NF1: variants seen among roughly 807,000 people sequenced by gnomAD.
NF1 encodes the protein neurofibromin.
NF1 carries 122 observed loss-of-function variants against 325.7 expected under a neutral mutation model. The ratio of observed to expected loss-of-function variants is 0.37; its 90% CI spans 0.32 to 0.44. The LOEUF (loss-of-function observed/expected upper bound fraction) is 0.44, where lower values mean the gene tolerates loss of function less well. Among genes scored for constraint, NF1 ranks in the 20% least tolerant of loss-of-function variants. The probability of loss-of-function intolerance (pLI) is 1.00; values close to 1 mark genes in which losing one functional copy is unlikely to be tolerated. For synonymous variants in NF1, 1,091 were observed against 1,186.0 expected (o/e 0.92, Z 1.65); for missense variants, 2,140 against 3,415.4 (o/e 0.63, Z 9.31).
intron 36 of NF1, chr17:31,304,474 C>G: frequency 6.2e-7 from 1 of 1,614,144 alleles, no homozygotes; most frequent in Non-Finnish European, 8.5e-7. Context: ...TTGATTGAGA[C>G]AGTCCAGAGA....
chr17:31,335,307 G>T (rs2069634678), intron 40 of NF1, among the ~76,000 whole-genome samples: 3 of 4,084 alleles, frequency 7.3e-4, no homozygotes, highest in African/African-American at 3.7e-3. Context: ...ATTATGCCTT[G>T]AAGGAGACTG....
intron 5 of NF1, among the ~76,000 whole-genome samples, chr17:31,171,164 G>C (rs2065921818): frequency 6.6e-6 from 1 of 152,122 alleles, no homozygotes; most frequent in Non-Finnish European, 1.5e-5. Context: ...CATAATTTAT[G>C]ATTTTAGGTC....
At chr17:31,270,099 C>T (rs1267473863) in intron 36 of NF1, among the ~76,000 whole-genome samples, 1 of 152,200 alleles carries the variant, frequency 6.6e-6, no homozygotes, top group African/African-American at 2.4e-5. Flanking sequence ...TGACACTTAC[C>T]TTACAAGGTA....
Position 31,226,693 on chromosome 17 carries a change from G to T in NF1, c.2251+9G>T, listed in dbSNP as rs772014402. ...CAATATGATGTCAACAGGTAAATGT[G>T]AATAGTGGTTTTTTTTACTCAGTCT... On this transcript the variant is annotated intron_variant, in intron 18 of 57. Coordinates refer to ENST00000358273, the MANE Select transcript of NF1 (RefSeq NM_001042492.3). 4 of 1,613,418 alleles carry T rather than the reference G, an allele frequency of 2.5e-6. No homozygotes were observed. Among genetic ancestry groups the T allele is most frequent in the South Asian group, 1.1e-5 (1 of 91,060 alleles).
At chr17:31,216,353 A>G (rs1297931488) in intron 13 of NF1, among the ~76,000 whole-genome samples, 2 of 152,208 alleles carry the variant, frequency 1.3e-5, no homozygotes, top group Non-Finnish European at 2.9e-5. Context: ...TCTAGTGGTT[A>G]ATAAGTTTTC....
chr17:31,261,271 TA>T, intron 34 of NF1, among the ~76,000 whole-genome samples: 1 of 151,938 alleles, frequency 6.6e-6, no homozygotes, highest in East Asian at 1.9e-4. Flanking sequence ...AAAAAATACT[TA>T]AAAATCAAAA....
intron 57 of NF1, among the ~76,000 whole-genome samples, chr17:31,372,150 G>A (rs1276579231): frequency 1.3e-5 from 2 of 152,134 alleles, no homozygotes; most frequent in African/African-American, 4.8e-5. Context: ...GAAGAATAAA[G>A]TACAAATTAG....
At position 31,260,852 on chromosome 17, in the gene NF1, A is replaced by G. The variant is rs532449833; in HGVS notation, c.4577+337A>G. Among the ~76,000 whole-genome samples, 4 of 152,320 alleles carry G rather than the reference A, an allele frequency of 2.6e-5. No individual in the cohort carries two copies. The South Asian group carries it at 8.3e-4, about 32-fold the overall frequency. On this transcript the variant is annotated intron_variant, in intron 34 of 57. Transcript: ENST00000358273. ...TGGCATTTGACTCTGAAGAACAGCC[A>G]ATTCGTAGGAATTCAGTAATTAAAA...
At chr17:31,283,235 G>A (rs2068156623) in intron 36 of NF1, among the ~76,000 whole-genome samples, 1 of 151,972 alleles carries the variant, frequency 6.6e-6, no homozygotes, top group Non-Finnish European at 1.5e-5. Context: ...GGCTAACACA[G>A]TGAAATCCCG....
Position 31,375,828 on chromosome 17 carries a change from G to C in NF1, c.*1673G>C, listed in dbSNP as rs1185136173. The C allele has an allele frequency of 8.6e-6, 2 of 232,226 alleles. No homozygotes were observed. The highest frequency in any genetic ancestry group is 8.5e-6 in the Non-Finnish European group (1 of 117,360). 14.4% of individuals were successfully genotyped at this position (232,226 alleles called of 1,614,324 possible). The stretch of plus-strand genomic sequence containing the variant: ...TAAATAAAATTGGTTTTGATACTCA[G>C]AAATAACAAGAATTTAATTTTTTAA... On this transcript the variant is annotated 3_prime_UTR_variant, in exon 58 of 58. Coordinates refer to ENST00000358273, the MANE Select transcript of NF1 (RefSeq NM_001042492.3).
intron 35 of NF1, among the ~76,000 whole-genome samples, 191 bp downstream of exon 35, chr17:31,262,048 T>C (rs1257819485): frequency 6.6e-6 from 1 of 152,194 alleles, no homozygotes; most frequent in Non-Finnish European, 1.5e-5. Flanking sequence ...ATATATTGAT[T>C]GTCATAACAA....
chr17:31,164,198 C>T (rs1035597193), intron 4 of NF1, among the ~76,000 whole-genome samples: 1 of 152,032 alleles, frequency 6.6e-6, no homozygotes, highest in African/African-American at 2.4e-5. Flanking sequence ...GATTGCTTCC[C>T]TATCTATTTT....
chr17:31,197,169 C>G (rs1337914524), intron 8 of NF1, among the ~76,000 whole-genome samples: 2 of 151,760 alleles, frequency 1.3e-5, no homozygotes, highest in Admixed American at 6.6e-5. Context: ...CTCAGCCTCC[C>G]AAGTATCTGG....
At chr17:31,122,987 A>G (rs1914565805) in intron 1 of NF1, among the ~76,000 whole-genome samples, 1 of 152,176 alleles carries the variant, frequency 6.6e-6, no homozygotes, top group South Asian at 2.1e-4. Flanking sequence ...GGCCATTAGT[A>G]CGTGACTAAA....
At chr17:31,178,437 A>G (rs1244275804) in intron 5 of NF1, among the ~76,000 whole-genome samples, 2 of 152,378 alleles carry the variant, frequency 1.3e-5, no homozygotes, top group South Asian at 2.1e-4. Context: ...AAGACCATCT[A>G]TGCTGTGAAG....
At position 31,374,165 on chromosome 17, in the gene NF1, G is replaced by T. The variant is rs1452831118; in HGVS notation, c.*10G>T. ...TAAGAAGATCGTGTGAAGCTTGCTTGCTTTCTTTTTTAAAATCAACTTAAC... is the reference window on the plus strand; with the variant it reads ...TAAGAAGATCGTGTGAAGCTTGCTTTCTTTCTTTTTTAAAATCAACTTAAC... On this transcript the variant is annotated 3_prime_UTR_variant, in exon 58 of 58. Coordinates refer to ENST00000358273, the MANE Select transcript of NF1 (RefSeq NM_001042492.3). 6.2e-7 allele frequency: 1 copy of T among 1,613,956 alleles called. No individual in the cohort carries two copies.
intron 38 of NF1, among the ~76,000 whole-genome samples, chr17:31,330,054 T>C (rs752914575): frequency 1.3e-5 from 2 of 152,186 alleles, no homozygotes; most frequent in Non-Finnish European, 2.9e-5. Context: ...CCCTCTGTCA[T>C]AGGAGCCTCA....
intron 14 of NF1, among the ~76,000 whole-genome samples, chr17:31,220,753 C>G (rs1172213129): frequency 6.6e-6 from 1 of 151,966 alleles, no homozygotes. Flanking sequence ...CTGGAAAAGG[C>G]TAACACATTT....
At chr17:31,148,086 T>C (rs1916699662) in intron 1 of NF1, among the ~76,000 whole-genome samples, 3 of 152,258 alleles carry the variant, frequency 2.0e-5, no homozygotes, top group African/African-American at 7.2e-5. Context: ...GTGTTGCTAA[T>C]CCCTATTCCT....
Sources: allele counts gnomAD v4.1 joint callset (sites outside exome capture counted in the v4.1 genomes callset), GRCh38; gene constraint gnomAD v4.1.1; transcripts MANE v1.5; gene names NCBI Gene and HGNC (gene_info 2026-07-23, HGNC 2026-07-21).